Variants in C2CD2 observed in about 807,000 individuals in gnomAD.
The protein encoded by C2CD2 is C2 domain-containing protein 2.
C2CD2 carries 43 observed loss-of-function variants against 74.3 expected under a neutral mutation model. The ratio of observed to expected loss-of-function variants is 0.58; its 90% confidence interval spans 0.45 to 0.75. The LOEUF is 0.75. Ranked by LOEUF, C2CD2 falls within the 30% of genes least tolerant of loss-of-function variation. The probability of loss-of-function intolerance (pLI) is 0.00; values close to 1 mark genes in which losing one functional copy is unlikely to be tolerated. For missense variants in C2CD2, 801 were observed against 916.3 expected (o/e 0.87, Z 1.63); for synonymous variants, 422 against 390.7 (o/e 1.08, Z -0.94).
rs754891505 is a variant in C2CD2 at position 41,942,280 on chromosome 21, C to T, written c.280-35G>A. 15 of 1,454,160 alleles carry T rather than the reference C, an allele frequency of 1.0e-5. No homozygotes were observed. In the South Asian group the frequency reaches 1.6e-4, roughly 15 times the overall value. 90.1% of individuals were successfully genotyped at this position (1,454,160 alleles called of 1,614,324 possible). A position where few individuals can be genotyped will look rare whatever the true frequency, so the allele number is the denominator to read the frequency against. The stretch of plus-strand genomic sequence containing the variant: ...AGGGGCAGCATGAGGAGGGCATGCA[C>T]AGGAGGGGCTGCATCTTTTAAATTA... On this transcript the variant is annotated intron_variant, in intron 1 of 13. Coordinates refer to ENST00000380486, the MANE Select transcript of C2CD2 (RefSeq NM_015500.2).
chr21:41,928,711 C>A, intron 2 of C2CD2, among the ~76,000 whole-genome samples: 1 of 152,094 alleles, frequency 6.6e-6, no homozygotes. Flanking sequence ...AATCCCGCAG[C>A]TCTCAGGGCG....
intron 1 of C2CD2, among the ~76,000 whole-genome samples, chr21:41,946,730 C>CAGCAG (rs958868015): frequency 1.9e-4 from 29 of 152,272 alleles, no homozygotes; most frequent in African/African-American, 6.5e-4. Context: ...TCACCTTAAC[C>CAGCAG]AAGGCACCAA....
intron 1 of C2CD2, among the ~76,000 whole-genome samples, chr21:41,944,059 CAGCCGCTCGGAG>C (rs2065377454): frequency 6.6e-6 from 1 of 152,210 alleles, no homozygotes; most frequent in East Asian, 1.9e-4. Flanking sequence ...GGCAACATGC[CAGCCGCTCGGAG>C]GATGCAGCGG....
chr21:41,953,433 G>T lies in C2CD2; in HGVS notation c.216C>A (p.Ser72Arg). The change falls in exon 1 of 14, where the codon AGC becomes AGA. Residue 72 changes from serine to arginine, a missense_variant. By Grantham distance (110) the Ser-to-Arg change is moderately radical. Transcript: ENST00000380486. ...AGGCCGCCTGCCACTGGCTCCTCCA[G>T]CTGCCCAGCGTCAGGATCCAGGAGA... Reference protein sequence around the residue: ...ALLSWILTLGSWRSQWQAAWV... With the variant: ...ALLSWILTLGRWRSQWQAAWV... 1 of 1,456,472 alleles carries T rather than the reference G, an allele frequency of 6.9e-7. No individual in the cohort carries two copies. Among genetic ancestry groups the T allele is most frequent in the South Asian group, 1.4e-5 (1 of 70,226 alleles). The allele number at this position is 1,456,472 out of a possible 1,614,324, so 90.2% of individuals were successfully genotyped here.
chr21:41,921,417 C>T (rs1031973377), intron 3 of C2CD2, among the ~76,000 whole-genome samples: 2 of 152,122 alleles, frequency 1.3e-5, no homozygotes, highest in Non-Finnish European at 2.9e-5. Flanking sequence ...ATTAGAGATC[C>T]GTAAGTCTCT....
chr21:41,916,145 T>G (rs762573250), intron 5 of C2CD2, among the ~76,000 whole-genome samples: 1 of 152,122 alleles, frequency 6.6e-6, no homozygotes, highest in African/African-American at 2.4e-5. Flanking sequence ...TCCAAGGACA[T>G]GAGCACTGGG....
chr21:41,942,004 C>T, intron 2 of C2CD2, 143 bp downstream of exon 2: 2 of 1,046,026 alleles, frequency 1.9e-6, no homozygotes, highest in Non-Finnish European at 2.7e-6. Context: ...TTCATCTACC[C>T]ATCAGCTGAT....
chr21:41,905,866 G>C, intron 10 of C2CD2, 29 bp from the exon 11 acceptor site: 2 of 1,241,506 alleles, frequency 1.6e-6, no homozygotes, highest in Admixed American at 3.4e-5. Flanking sequence ...GATTACAAAA[G>C]CGGCCCCGTG....
intron 13 of C2CD2, among the ~76,000 whole-genome samples, chr21:41,893,411 T>G (rs2064780373): frequency 6.6e-6 from 1 of 152,196 alleles, no homozygotes; most frequent in African/African-American, 2.4e-5. Context: ...CCTAAAATTC[T>G]AATTCTTGGC....
chr21:41,936,587 TG>T (rs1411481244), intron 2 of C2CD2, among the ~76,000 whole-genome samples: 2 of 152,202 alleles, frequency 1.3e-5, no homozygotes, highest in African/African-American at 4.8e-5. Flanking sequence ...GTCCCACTAC[TG>T]GGTATACTGT....
rs375153525 is a variant in C2CD2, at chr21:41,899,148, G to A, written c.1775C>T (p.Ala592Val). The A allele has an allele frequency of 4.3e-6, 7 of 1,613,554 alleles. No individual in the cohort carries two copies. The African/African-American group carries it at 8.0e-5, about 18-fold the overall frequency. Reference protein sequence around the residue: ...WDLEKEPQAAAWSSQVLLDPD... With the variant: ...WDLEKEPQAAVWSSQVLLDPD... Reference sequence around the variant, plus strand: ...GTCCAGCAGGACCTGGCTGCTCCATGCCGCGGCCTGTGGCTCCTTCTCCAA... The same window carrying A: ...GTCCAGCAGGACCTGGCTGCTCCATACCGCGGCCTGTGGCTCCTTCTCCAA... Residue 592 changes from alanine to valine, a missense_variant, in exon 13 of 14, where the codon GCA becomes GTA. Transcript: ENST00000380486. This position sits in a 1 kb window ranked among gnomAD's most constrained non-coding sequence, Gnocchi z 4.4.
chr21:41,910,257 T>C lies in C2CD2; in HGVS notation c.954-734A>G, dbSNP rs58662903. Among the ~76,000 whole-genome samples, 427 of 152,336 alleles carry C rather than the reference T, an allele frequency of 2.8e-3. 3 individuals are homozygous for C. The highest frequency in any genetic ancestry group is 9.7e-3 in the African/African-American group (404 of 41,572). ...CCTTAGGAGATTTTATTTAGCCAAC[T>C]CTTTACTAAACAACCCTTCTTAATG... On this transcript the variant is annotated intron_variant, in intron 7 of 13. Coordinates refer to ENST00000380486, the MANE Select transcript of C2CD2 (RefSeq NM_015500.2).
intron 13 of C2CD2, among the ~76,000 whole-genome samples, chr21:41,891,881 A>T (rs1350340558): frequency 6.6e-6 from 1 of 151,966 alleles, no homozygotes; most frequent in Non-Finnish European, 1.5e-5. Flanking sequence ...CTCCACCTCC[A>T]AAGTCCATTT....
chr21:41,911,695 C>CT (rs575443853), intron 7 of C2CD2, among the ~76,000 whole-genome samples: 2,980 of 143,176 alleles, frequency 0.021, 46 homozygotes, highest in Middle Eastern at 0.044. Context: ...GACTTTCTTT[C>CT]TTTTTTTTTT....
At chr21:41,909,570 A>G in intron 7 of C2CD2, 47 bp from the exon 8 acceptor site, 1 of 1,221,774 alleles carries the variant, frequency 8.2e-7, no homozygotes, top group Non-Finnish European at 1.2e-6. Flanking sequence ...GCAATGCTTG[A>G]TTCTTTTTAT....
Position 41,895,506 on chromosome 21 carries a change from C to T in C2CD2, c.1870+3547G>A, listed in dbSNP as rs1264705792. 6.6e-6 allele frequency among the ~76,000 whole-genome samples: 1 copy of T among 152,142 alleles called. No homozygotes were observed. The highest frequency in any genetic ancestry group is 1.5e-5 in the Non-Finnish European group (1 of 68,042). Reference sequence around the variant, plus strand: ...CCAACAGCAAGAAGCGAGATTTAGACCTCACCCACAACCTTCAAGATTCCT... The same window carrying T: ...CCAACAGCAAGAAGCGAGATTTAGATCTCACCCACAACCTTCAAGATTCCT... On this transcript the variant is annotated intron_variant, in intron 13 of 13. Transcript: ENST00000380486. The surrounding 1 kb of genome is among the most constrained non-coding windows in gnomAD (Gnocchi z 5.0).
intron 3 of C2CD2, among the ~76,000 whole-genome samples, chr21:41,921,755 TGTGTGTGTGTGTA>T (rs1022789643): frequency 1.2e-5 from 1 of 82,682 alleles, no homozygotes; most frequent in African/African-American, 4.1e-5. Context: ...TATAAATGTA[TGTGTGTGTGTGTA>T]GTGTGTGTGT....
At position 41,907,047 on chromosome 21, in the gene C2CD2, A is replaced by C; in HGVS notation, c.1263T>G (p.Thr421=). Residue 421 remains threonine (T), a synonymous_variant, in exon 10 of 14, where the codon ACT becomes ACG. Transcript: ENST00000380486. ...CGACGCGAGGCTTGGTCTTCACAGC[A>C]GTGACAGTAGTGACCACAGTCCCAC... The part of the protein sequence containing the change: ...MPCGTVVTTV[T]AVKTKPRVDV... 1.2e-6 allele frequency: 2 copies of C among 1,614,076 alleles called. No homozygotes were observed. The highest frequency in any genetic ancestry group is 1.7e-6 in the Non-Finnish European group (2 of 1,179,912).
intron 7 of C2CD2, chr21:41,912,049 C>A: frequency 3.3e-6 from 1 of 304,844 alleles, no homozygotes; most frequent in Non-Finnish European, 6.0e-6. Context: ...CAGAGGCTCC[C>A]TCCCTTTTCA....
Sources: gnomAD v4.1 joint callset for allele counts (sites outside exome capture counted in the v4.1 genomes callset) on GRCh38, gnomAD v4.1.1 for gene constraint, Gnocchi (gnomAD v3.1) non-coding constraint, MANE v1.5 for transcripts, NCBI Gene and HGNC (gene_info 2026-07-23, HGNC 2026-07-21) for gene names.